Variants in PRPF40B observed in about 807,000 individuals in gnomAD.
PRPF40B encodes the protein pre-mRNA-processing factor 40 homolog B.
Under a neutral mutation model 124.5 loss-of-function variants are expected in PRPF40B, and 56 were observed. The observed-to-expected ratio is 0.45, with a 90% CI of 0.36 to 0.56. PRPF40B has a LOEUF of 0.56. Ranked by LOEUF, PRPF40B falls within the 20% of genes least tolerant of loss-of-function variation. The pLI is 0.00. For missense variants in PRPF40B, 1,053 were observed against 1,169.5 expected, an observed-to-expected ratio of 0.90 and a Z score of 1.45; for synonymous variants, 443 against 426.4, an observed-to-expected ratio of 1.04 and a Z score of -0.48.
chr12:49,637,242 T>C (rs890138759), intron 16 of PRPF40B: 4 of 577,666 alleles, frequency 6.9e-6, no homozygotes, highest in Non-Finnish European at 1.2e-5. Flanking sequence ...ATCCCGGGAC[T>C]GGCTTGTTCT....
chr12:49,632,377 C>T, intron 4 of PRPF40B: 1 of 594,358 alleles, frequency 1.7e-6, no homozygotes, highest in East Asian at 2.8e-5. Context: ...ACAAAATACT[C>T]TCACTTGAGG....
At chr12:49,634,908 T>G in intron 12 of PRPF40B, 191 bp from the exon 13 acceptor site, 1 of 670,928 alleles carries the variant, frequency 1.5e-6, no homozygotes, top group East Asian at 2.7e-5. Flanking sequence ...GTATTTGCAG[T>G]GTCTTGGAGC....
chr12:49,636,622 C>G (rs1464810937), intron 15 of PRPF40B, 94 bp from the exon 16 acceptor site: 1 of 1,565,490 alleles, frequency 6.4e-7, no homozygotes, highest in Non-Finnish European at 8.7e-7. Context: ...TCCCTAGCAC[C>G]TGTAGGACAG....
chr12:49,636,689 C>T (rs1435925589), intron 15 of PRPF40B, 27 bp from the exon 16 acceptor site: 1 of 1,612,820 alleles, frequency 6.2e-7, no homozygotes. Flanking sequence ...TGGGACAATG[C>T]CCGCGGAACC....
In PRPF40B at chr12:49,643,366, G is replaced by C; in HGVS notation, c.2349G>C (p.Arg783=). The C allele has an allele frequency of 6.3e-7, 1 of 1,580,426 alleles. No individual in the cohort carries two copies. The highest frequency in any genetic ancestry group is 1.2e-5 in the South Asian group (1 of 86,400). The part of the protein sequence containing the change: ...VESGGAALGG[R]GSPSSHLLGA... ...GTGGGGGTGCTGCCCTTGGAGGACG[G>C]GGCTCCCCTTCCTCCCATCTTCTTG... The change falls in exon 23 of 26, where the codon CGG becomes CGC. Residue 783 remains arginine, a synonymous_variant. Transcript: ENST00000548825.
intron 25 of PRPF40B, 37 bp downstream of exon 25, chr12:49,644,041 G>T: frequency 6.2e-7 from 1 of 1,614,166 alleles, no homozygotes; most frequent in Non-Finnish European, 8.5e-7. Context: ...CAGCACGCTG[G>T]TCAAGCTTCC....
rs1304770179 is a variant in PRPF40B at position 49,633,887 on chromosome 12, A to G, written c.607A>G (p.Lys203Glu). Residue 203 changes from lysine to glutamate, a missense_variant and splice_region_variant, in exon 10 of 26, where the codon AAA (lysine) becomes GAA (glutamate). This residue lies in a region of PRPF40B where 895 missense variants were observed against 1,052.2 expected (regional missense o/e 0.85). Transcript: ENST00000548825. ...ACCGCCCTTCTGGCTCATCTGCAGG[A>G]AACAGCAGCAGCAGCTGCCACAGAC... ...EVLVKQEAAG[K>E]QQQQLPQTLQ... 1 of 1,614,044 alleles carries G rather than the reference A, an allele frequency of 6.2e-7. No homozygotes were observed.
chr12:49,632,126 TAC>T, intron 4 of PRPF40B: 1 of 633,196 alleles, frequency 1.6e-6, no homozygotes, highest in South Asian at 1.8e-5. Context: ...CAAAGGCATA[TAC>T]ATTCTCTTGT....
rs1942752062 is a variant in PRPF40B at position 49,642,136 on chromosome 12, A to G, written c.1885-99A>G. The G allele has an allele frequency of 6.3e-7, 1 of 1,598,982 alleles. No individual in the cohort carries two copies. Among genetic ancestry groups the G allele is most frequent in the Non-Finnish European group, 8.5e-7 (1 of 1,170,404 alleles). ...TTCCCAATTCAGGGGATGGTGGTAG[A>G]AGCCCAGACCCTAACTTTCCACCTC... On this transcript the variant is annotated intron_variant, in intron 19 of 25. Coordinates refer to ENST00000548825, the MANE Select transcript of PRPF40B (RefSeq NM_001031698.3). The surrounding 1 kb of genome is among the most constrained non-coding windows in gnomAD (Gnocchi z 5.8).
At chr12:49,623,280 G>A (rs1046117655), upstream of PRPF40B, 14 of 165,766 alleles carry the variant, frequency 8.4e-5, no homozygotes, top group Non-Finnish European at 9.0e-5. Flanking sequence ...GCAGGCAGCG[G>A]GGAGAGGCAG....
chr12:49,630,620 C>A lies in PRPF40B; in HGVS notation c.79C>A (p.Pro27Thr), dbSNP rs1413739024. 2 of 1,309,366 alleles carry A rather than the reference C, an allele frequency of 1.5e-6. No homozygotes were observed. Among genetic ancestry groups the A allele is most frequent in the Non-Finnish European group, 2.2e-6 (2 of 903,718 alleles). The allele number at this position is 1,309,366 out of a possible 1,614,324, so 81.1% of individuals were successfully genotyped here. A position where few individuals can be genotyped will look rare whatever the true frequency, so the allele number is the denominator to read the frequency against. The part of the protein sequence containing the change: ...FPPGPPMMPP[P>T]FMPPPGIPPP... ...ACCGGGGCCCCCCATGATGCCACCA[C>A]CCTTCGTAAGTTTTATGTCTTTCCC... The change falls in exon 2 of 26, where the codon CCC becomes ACC. Residue 27 changes from proline (P) to threonine (T), a missense_variant. Around this residue, in one of 2 missense-constraint regions of PRPF40B, gnomAD observed 158 missense variants for 117.3 expected, o/e 1.35. Transcript: ENST00000548825.
intron 4 of PRPF40B, chr12:49,632,284 G>C: frequency 1.7e-6 from 1 of 574,968 alleles, no homozygotes; most frequent in Non-Finnish European, 3.1e-6. Context: ...GCCTTCTTAT[G>C]CTATCGCTCA....
rs549574366 is a variant in PRPF40B at position 49,642,207 on chromosome 12, C to A, written c.1885-28C>A. 3 of 1,614,098 alleles carry A rather than the reference C, an allele frequency of 1.9e-6. No homozygotes were observed. The highest frequency in any genetic ancestry group is 1.7e-5 in the Admixed American group (1 of 60,032). On this transcript the variant is annotated intron_variant, in intron 19 of 25. Transcript: ENST00000548825. This position sits in a 1 kb window ranked among gnomAD's most constrained non-coding sequence, Gnocchi z 5.8. ...ACCTGGCATCCACCCTCCTGGGTGA[C>A]CCTGTTCCGTGTCCCTTCTTTCCTC...
At chr12:49,622,969 T>C (rs1239886637), upstream of PRPF40B, among the ~76,000 whole-genome samples, 1 of 151,950 alleles carries the variant, frequency 6.6e-6, no homozygotes, top group Non-Finnish European at 1.5e-5. Flanking sequence ...CAGCGCTCAG[T>C]GGGAGCCAGG....
intron 1 of PRPF40B, among the ~76,000 whole-genome samples, chr12:49,627,987 C>T (rs902041902): frequency 2.6e-5 from 4 of 152,118 alleles, no homozygotes; most frequent in East Asian, 1.9e-4. Flanking sequence ...GTCTCTGAGA[C>T]GCTTCTGAGG....
At chr12:49,632,526 C>A in intron 4 of PRPF40B, 70 bp from the exon 5 acceptor site, 1 of 1,493,572 alleles carries the variant, frequency 6.7e-7, no homozygotes, top group Non-Finnish European at 9.1e-7. Flanking sequence ...GCTTCTCCAT[C>A]CCCCATGGCC....
chr12:49,638,133 G>C (rs1942098063), intron 18 of PRPF40B: 2 of 346,060 alleles, frequency 5.8e-6, no homozygotes, highest in Non-Finnish European at 1.1e-5. Flanking sequence ...GAAGAGGTTG[G>C]AGTGTACACG....
At position 49,632,996 on chromosome 12, in the gene PRPF40B, G is replaced by GCCCCCCCCCCCCCCCCCC. The variant is rs376648517; in HGVS notation, c.349-7_349-6insCCCCCCCCCCCCCCCCCC. 1 of 956,516 alleles carries GCCCCCCCCCCCCCCCCCC rather than the reference G, an allele frequency of 1.0e-6. No homozygotes were observed. Among genetic ancestry groups the GCCCCCCCCCCCCCCCCCC allele is most frequent in the African/African-American group, 1.9e-5 (1 of 53,470 alleles). 59.3% of individuals were successfully genotyped at this position (956,516 alleles called of 1,614,324 possible). A position where few individuals can be genotyped will look rare whatever the true frequency, so the allele number is the denominator to read the frequency against. ...AAAGGGGCCTTGACCACCATTCTGT[G>GCCCCCCCCCCCCCCCCCC]CCCCCCCCCCCACCCAGAGGGCCCT... On this transcript the variant is annotated splice_polypyrimidine_tract_variant and intron_variant, in intron 6 of 25. Coordinates refer to ENST00000548825, the MANE Select transcript of PRPF40B (RefSeq NM_001031698.3).
intron 1 of PRPF40B, among the ~76,000 whole-genome samples, chr12:49,628,088 C>T (rs1203545224): frequency 2.0e-5 from 3 of 152,128 alleles, no homozygotes; most frequent in Non-Finnish European, 2.9e-5. Flanking sequence ...ATTGTATTTC[C>T]TCCACTATTG....
Sources: gnomAD v4.1 joint callset for allele counts (sites outside exome capture counted in the v4.1 genomes callset) on GRCh38, gnomAD v4.1.1 for gene constraint, gnomAD v4.1.1 regional missense constraint, Gnocchi (gnomAD v3.1) non-coding constraint, MANE v1.5 for transcripts, NCBI Gene and HGNC (gene_info 2026-07-23, HGNC 2026-07-21) for gene names.